Variants in ANKRD36C observed in about 807,000 individuals in gnomAD.
ANKRD36C encodes ankyrin repeat domain 36C.
Under a neutral mutation model 276.4 loss-of-function variants are expected in ANKRD36C, and 61 were observed. That is an observed-to-expected ratio of 0.22 (90% CI 0.18 to 0.27). The LOEUF is 0.27. Among genes scored for constraint, ANKRD36C ranks in the 10% least tolerant of loss-of-function variants. The probability of loss-of-function intolerance (pLI) is 1.00; values close to 1 mark genes in which losing one functional copy is unlikely to be tolerated. For synonymous variants in ANKRD36C, 483 were observed against 680.1 expected (o/e 0.71, Z 4.51); for missense variants, 1,447 against 2,032.3 (o/e 0.71, Z 5.54).
In ANKRD36C at chr2:95,903,481, C is replaced by A. The variant is rs1676716863; in HGVS notation, c.2654-4145G>T. ...ATGCAACAAATTAAAAGGATTTACA[C>A]CATTATACTACAAACATTCATCGTG... On this transcript the variant is annotated intron_variant, in intron 42 of 66. Transcript: ENST00000456556. Among the ~76,000 whole-genome samples, 3 of 151,324 alleles carry A rather than the reference C, an allele frequency of 2.0e-5. No individual in the cohort carries two copies. In the South Asian group the frequency reaches 6.2e-4, roughly 31 times the overall value.
chr2:95,879,913 G>GT (rs1251948484), intron 58 of ANKRD36C, among the ~76,000 whole-genome samples: 1 of 143,640 alleles, frequency 7.0e-6, no homozygotes, highest in East Asian at 2.0e-4. Context: ...AGGCATGGTG[G>GT]TTCACACCTG....
chr2:95,982,157 G>T (rs1409498095), intron 4 of ANKRD36C, 99 bp downstream of exon 4: 3 of 885,354 alleles, frequency 3.4e-6, no homozygotes, highest in Non-Finnish European at 5.1e-6. Context: ...TTAAAAGTTA[G>T]TCTTCTTATT....
At chr2:95,926,258 T>C (rs537470022) in intron 28 of ANKRD36C, among the ~76,000 whole-genome samples, 25 of 151,760 alleles carry the variant, frequency 1.6e-4, no homozygotes, top group African/African-American at 5.8e-4. Flanking sequence ...AATGATCAAA[T>C]TTGACATACT....
intron 60 of ANKRD36C, among the ~76,000 whole-genome samples, chr2:95,866,151 C>T (rs953634188): frequency 3.1e-4 from 47 of 151,886 alleles, no homozygotes; most frequent in African/African-American, 1.1e-3. Context: ...CAAAATGGAG[C>T]ACAGATTTAA....
intron 60 of ANKRD36C, among the ~76,000 whole-genome samples, chr2:95,862,790 C>T (rs1675613667): frequency 6.6e-6 from 1 of 151,972 alleles, no homozygotes; most frequent in Admixed American, 6.6e-5. Context: ...AGAGCAAAGC[C>T]CTAATGAATG....
chr2:95,856,939 A>G (rs1015349761), intron 62 of ANKRD36C, among the ~76,000 whole-genome samples: 16 of 152,190 alleles, frequency 1.1e-4, no homozygotes, highest in African/African-American at 3.9e-4. Context: ...AAATCTATAA[A>G]GCTCTTCTTA....
chr2:95,949,166 A>C (rs2918886), intron 16 of ANKRD36C, among the ~76,000 whole-genome samples: 23 of 152,020 alleles, frequency 1.5e-4, no homozygotes, highest in Non-Finnish European at 2.6e-4. Flanking sequence ...CCCCCTGAAA[A>C]ACTGCAAATG....
rs996592866 is a variant in ANKRD36C at position 95,962,639 on chromosome 2, C to A, written c.800-92G>T. 1,021 of 1,478,508 alleles carry A rather than the reference C, an allele frequency of 6.9e-4. 10 individuals are homozygous for A. Among genetic ancestry groups the A allele is most frequent in the Middle Eastern group, 2.4e-4 (1 of 4,168 alleles). The allele number at this position is 1,478,508 out of a possible 1,614,324, so 91.6% of individuals were successfully genotyped here. ...CACTGTTACCATCAAGCTGTATCCTCCTGCCCCTATTAGTTTAGGTTTTTA... is the reference window on the plus strand; with the variant it reads ...CACTGTTACCATCAAGCTGTATCCTACTGCCCCTATTAGTTTAGGTTTTTA... On this transcript the variant is annotated intron_variant, in intron 6 of 66. Transcript: ENST00000456556.
intron 12 of ANKRD36C, among the ~76,000 whole-genome samples, 169 bp from the exon 13 acceptor site, chr2:95,956,985 A>AAGCACTGCTG (rs1678342428): frequency 1.3e-5 from 2 of 152,192 alleles, no homozygotes; most frequent in East Asian, 3.9e-4. Context: ...TGGGCAGCAC[A>AAGCACTGCTG]GAAACACTCT....
At chr2:95,856,875 T>C (rs1391860604) in intron 62 of ANKRD36C, among the ~76,000 whole-genome samples, 1 of 152,158 alleles carries the variant, frequency 6.6e-6, no homozygotes, top group Non-Finnish European at 1.5e-5. Flanking sequence ...GTGAGGTAGA[T>C]ATATACATAC....
At chr2:95,937,812 T>A (rs1375324521) in intron 22 of ANKRD36C, among the ~76,000 whole-genome samples, 1 of 152,310 alleles carries the variant, frequency 6.6e-6, no homozygotes, top group African/African-American at 2.4e-5. Context: ...ACTATGGGTA[T>A]CTGAAATACT....
chr2:95,885,372 C>T (rs1014829693), intron 52 of ANKRD36C, among the ~76,000 whole-genome samples: 15 of 151,836 alleles, frequency 9.9e-5, no homozygotes, highest in African/African-American at 3.1e-4. Context: ...ATCTCTGATG[C>T]CTAACAGTAA....
At chr2:95,892,284 T>C (rs1676391899) in intron 44 of ANKRD36C, among the ~76,000 whole-genome samples, 2 of 151,578 alleles carry the variant, frequency 1.3e-5, no homozygotes, top group Admixed American at 1.3e-4. Flanking sequence ...ACATTCATCA[T>C]GCTCTTTAAC....
At chr2:95,943,836 T>G (rs557939298) in intron 19 of ANKRD36C, among the ~76,000 whole-genome samples, 28 of 152,122 alleles carry the variant, frequency 1.8e-4, no homozygotes, top group African/African-American at 6.3e-4. Context: ...TTCTTTCCAT[T>G]TAGAATTTTT....
At chr2:95,869,919 C>T (rs1445700663) in intron 59 of ANKRD36C, among the ~76,000 whole-genome samples, 1 of 152,232 alleles carries the variant, frequency 6.6e-6, no homozygotes, top group Admixed American at 6.5e-5. Context: ...GCTAGCACAG[C>T]AGTCTGAGAT....
At chr2:95,875,640 C>G (rs1675932866) in intron 59 of ANKRD36C, among the ~76,000 whole-genome samples, 1 of 151,888 alleles carries the variant, frequency 6.6e-6, no homozygotes, top group Non-Finnish European at 1.5e-5. Context: ...TGTAACTAAC[C>G]TGCACATTGT....
Position 95,889,890 on chromosome 2 carries a change from A to G in ANKRD36C, c.2887-19T>C, listed in dbSNP as rs1368816742. 1 of 1,607,022 alleles carries G rather than the reference A, an allele frequency of 6.2e-7. No homozygotes were observed. The highest frequency in any genetic ancestry group is 8.5e-7 in the Non-Finnish European group (1 of 1,175,976). On this transcript the variant is annotated intron_variant, in intron 47 of 66. Transcript: ENST00000456556. ...TTGTAGCCTGAATGGAATTTGAAAC[A>G]CAACAGTCAATAAATAAAGTATGTT...
intron 41 of ANKRD36C, 38 bp downstream of exon 43, chr2:95,912,369 C>A (rs761782628): frequency 1.2e-6 from 2 of 1,603,068 alleles, no homozygotes; most frequent in African/African-American, 2.7e-5. Flanking sequence ...ATAGGCTTTA[C>A]GTTTACTAGC....
At chr2:95,940,400 G>C (rs1369005970) in intron 20 of ANKRD36C, among the ~76,000 whole-genome samples, 1 of 141,558 alleles carries the variant, frequency 7.1e-6, no homozygotes, top group Non-Finnish European at 1.6e-5. Flanking sequence ...TAAATTTCTC[G>C]TTTGTTTTTT....
Sources: gnomAD v4.1 joint callset for allele counts (sites outside exome capture counted in the v4.1 genomes callset) on GRCh38, gnomAD v4.1.1 for gene constraint, MANE v1.5 for transcripts, NCBI Gene and HGNC (gene_info 2026-07-23, HGNC 2026-07-21) for gene names.